GRID1: variants seen among roughly 807,000 people sequenced by gnomAD.
The protein encoded by GRID1 is glutamate receptor ionotropic, delta-1.
Under a neutral mutation model 98.0 loss-of-function variants are expected in GRID1, and 28 were observed. The ratio of observed to expected loss-of-function variants is 0.29; its 90% confidence interval spans 0.21 to 0.39. The LOEUF is 0.39. Among genes scored for constraint, GRID1 ranks in the 10% least tolerant of loss-of-function variants. The pLI is 1.00. For missense variants in GRID1, 1,111 were observed against 1,340.5 expected (o/e 0.83, Z 2.67); for synonymous variants, 553 against 538.5 (o/e 1.03, Z -0.37).
intron 2 of GRID1, among the ~76,000 whole-genome samples, chr10:86,326,632 A>C (rs1848054637): frequency 6.6e-6 from 1 of 152,226 alleles, no homozygotes; most frequent in Non-Finnish European, 1.5e-5. Context: ...ATTGGAAGAG[A>C]AGCAATGGAG....
At chr10:85,828,533 T>G (rs900509784) in intron 8 of GRID1, among the ~76,000 whole-genome samples, 1 of 152,006 alleles carries the variant, frequency 6.6e-6, no homozygotes, top group East Asian at 1.9e-4. Flanking sequence ...TAAATAAGAT[T>G]GATAGATCAC....
At chr10:85,734,585 C>A (rs1007133325) in intron 8 of GRID1, among the ~76,000 whole-genome samples, 1 of 152,164 alleles carries the variant, frequency 6.6e-6, no homozygotes, top group Non-Finnish European at 1.5e-5. Context: ...AGCAAAAAAT[C>A]AAAATTCTGC....
intron 2 of GRID1, among the ~76,000 whole-genome samples, chr10:86,358,788 A>C (rs1203349296): frequency 6.6e-6 from 1 of 151,694 alleles, no homozygotes; most frequent in African/African-American, 2.4e-5. Context: ...TAGGGAGATT[A>C]TCTGGGATTA....
chr10:85,635,891 C>T (rs921426564), intron 13 of GRID1, among the ~76,000 whole-genome samples: 10 of 152,224 alleles, frequency 6.6e-5, no homozygotes, highest in African/African-American at 1.9e-4. Flanking sequence ...ATTCTGATCA[C>T]GAGTTCCTTC....
chr10:85,967,469 T>C (rs922733478), intron 4 of GRID1, among the ~76,000 whole-genome samples: 4 of 151,854 alleles, frequency 2.6e-5, no homozygotes, highest in African/African-American at 9.7e-5. Context: ...TTCAGAAAAA[T>C]AGGAAAAAAT....
chr10:85,725,353 C>A (rs1841750506), intron 10 of GRID1, among the ~76,000 whole-genome samples: 1 of 152,128 alleles, frequency 6.6e-6, no homozygotes, highest in Non-Finnish European at 1.5e-5. Flanking sequence ...TTTATTCTTC[C>A]ATGGTAAAGC....
intron 8 of GRID1, among the ~76,000 whole-genome samples, chr10:85,784,583 C>G (rs1230422682): frequency 6.6e-6 from 1 of 152,200 alleles, no homozygotes; most frequent in Non-Finnish European, 1.5e-5. Flanking sequence ...TTATCCTGTC[C>G]CAATTCTAGG....
At chr10:85,841,339 T>C (rs1277366740) in intron 8 of GRID1, among the ~76,000 whole-genome samples, 2 of 152,132 alleles carry the variant, frequency 1.3e-5, no homozygotes, top group Non-Finnish European at 2.9e-5. Context: ...TAACTCAATA[T>C]GGATTAAAAA....
At chr10:86,310,086 G>T (rs1397633280) in intron 2 of GRID1, among the ~76,000 whole-genome samples, 1 of 152,214 alleles carries the variant, frequency 6.6e-6, no homozygotes, top group East Asian at 1.9e-4. Context: ...TCTGCTGTTT[G>T]CTGAGCCAGA....
rs545235498 is a variant in GRID1, at chr10:85,951,732, C to T, written c.727-35493G>A. Among the ~76,000 whole-genome samples the T allele has an allele frequency of 3.0e-4, 46 of 152,300 alleles. 1 individual carries two copies. The highest frequency in any genetic ancestry group is 4.2e-4 in the South Asian group (2 of 4,816). ...CCCAGACACACCCCAGGATCCCTTT[C>T]GCTGGCCCTGCCCCAGGGCCCGCAG... On this transcript the variant is annotated intron_variant, in intron 4 of 15. Transcript: ENST00000327946.
chr10:85,638,066 A>G (rs1843071532), intron 13 of GRID1, among the ~76,000 whole-genome samples: 1 of 152,238 alleles, frequency 6.6e-6, no homozygotes, highest in South Asian at 2.1e-4. Context: ...AATTAATGAT[A>G]TAAGTTTTAA....
Position 86,021,063 on chromosome 10 carries a change from C to A in GRID1, c.727-104824G>T, listed in dbSNP as rs867188941. Among the ~76,000 whole-genome samples, 733 of 151,994 alleles carry A rather than the reference C, an allele frequency of 4.8e-3. 7 individuals carry two copies. The highest frequency in any genetic ancestry group is 0.017 in the African/African-American group (694 of 41,450). On this transcript the variant is annotated intron_variant, in intron 4 of 15. Coordinates refer to ENST00000327946, the MANE Select transcript of GRID1 (RefSeq NM_017551.3). Reference sequence around the variant, plus strand: ...TCAACCTGACCTGCCTGCCTGCCTGCCTGCCTGCCTGGGAGGACGATAAAA... The same window carrying A: ...TCAACCTGACCTGCCTGCCTGCCTGACTGCCTGCCTGGGAGGACGATAAAA...
intron 3 of GRID1, among the ~76,000 whole-genome samples, chr10:86,171,853 G>A (rs1357426732): frequency 6.6e-6 from 1 of 151,996 alleles, no homozygotes; most frequent in Non-Finnish European, 1.5e-5. Flanking sequence ...AACGCCGGAG[G>A]AACACGCTCT....
chr10:85,880,134 C>A (rs1840983623), intron 5 of GRID1, among the ~76,000 whole-genome samples: 1 of 152,150 alleles, frequency 6.6e-6, no homozygotes, highest in South Asian at 2.1e-4. Context: ...TAATCAATAG[C>A]TTACCAACCA....
rs537062985 is a variant in GRID1 at position 85,608,311 on chromosome 10, A to T, written c.2601+5096T>A. Among the ~76,000 whole-genome samples, 17 of 152,286 alleles carry T rather than the reference A, an allele frequency of 1.1e-4. No homozygotes were observed. The South Asian group carries it at 2.9e-3, about 26-fold the overall frequency. On this transcript the variant is annotated intron_variant, in intron 15 of 15. Transcript: ENST00000327946. ...GATTTTAGAAATTATGGCAGTCCAG[A>T]TCTCCCTAATATGACCCTTTGGGAA... is the stretch of plus-strand genomic sequence containing the variant.
intron 2 of GRID1, among the ~76,000 whole-genome samples, chr10:86,256,653 C>T (rs1846924028): frequency 6.6e-6 from 1 of 152,100 alleles, no homozygotes. Context: ...CTCTTTGGGA[C>T]ATTAACAAGT....
At chr10:85,763,238 G>A (rs1385530627) in intron 8 of GRID1, among the ~76,000 whole-genome samples, 1 of 151,996 alleles carries the variant, frequency 6.6e-6, no homozygotes, top group Non-Finnish European at 1.5e-5. Flanking sequence ...TTTACATCTT[G>A]GAATAAAGGA....
intron 3 of GRID1, among the ~76,000 whole-genome samples, chr10:86,158,651 T>C (rs1027048022): frequency 2.0e-5 from 3 of 152,114 alleles, no homozygotes; most frequent in African/African-American, 4.8e-5. Context: ...CAGGAGACAC[T>C]GAAACATGGC....
chr10:85,602,374 G>T lies in GRID1; in HGVS notation c.2929C>A (p.Arg977=). The change falls in exon 16 of 16, where the codon CGG becomes AGG. Residue 977 remains arginine, a synonymous_variant. Transcript: ENST00000327946. ...ATGGGGGTCTTCACCGGGCTCTGCC[G>T]GAACAGCCCCCCGTTGGGTGACCTG... ...KHRSPNGGLF[R]QSPVKTPIPM... is the part of the protein sequence containing the mutation. 1 of 1,605,490 alleles carries T rather than the reference G, an allele frequency of 6.2e-7. No individual in the cohort carries two copies. Among genetic ancestry groups the T allele is most frequent in the Non-Finnish European group, 8.5e-7 (1 of 1,173,682 alleles).
Sources: gnomAD v4.1 joint callset for allele counts (sites outside exome capture counted in the v4.1 genomes callset) on GRCh38, gnomAD v4.1.1 for gene constraint, MANE v1.5 for transcripts, NCBI Gene and HGNC (gene_info 2026-07-23, HGNC 2026-07-21) for gene names.